The following CTNND2 variants were observed in gnomAD, a reference collection of about 807,000 sequenced individuals.
CTNND2 encodes catenin delta 2.
Under a neutral mutation model 144.4 loss-of-function variants are expected in CTNND2, and 22 were observed. The ratio of observed to expected loss-of-function variants is 0.15; its 90% CI spans 0.11 to 0.22. The LOEUF (loss-of-function observed/expected upper bound fraction) is 0.22, where lower values mean the gene tolerates loss of function less well. Ranked by LOEUF, CTNND2 falls within the 10% of genes least tolerant of loss-of-function variation. The pLI is 1.00. For missense variants in CTNND2, 1,353 were observed against 1,618.8 expected (o/e 0.84, Z 2.82); for synonymous variants, 751 against 695.6 (o/e 1.08, Z -1.25).
chr5:11,851,601 C>T (rs1213011464), intron 1 of CTNND2, among the ~76,000 whole-genome samples: 3 of 152,202 alleles, frequency 2.0e-5, no homozygotes, highest in African/African-American at 4.8e-5. Flanking sequence ...CATTAAACCA[C>T]GCCTACCCAG....
chr5:11,149,279 GAACCCTCATGTGTTTAT>G (rs1235995557), intron 12 of CTNND2, among the ~76,000 whole-genome samples: 16 of 152,180 alleles, frequency 1.1e-4, no homozygotes, highest in Admixed American at 1.0e-3. Context: ...TCCTTTGGCA[GAACCCTCATGTGTTTAT>G]ATAAATTAGT....
intron 1 of CTNND2, among the ~76,000 whole-genome samples, chr5:11,885,895 T>C (rs1345209532): frequency 1.3e-5 from 2 of 152,036 alleles, no homozygotes; most frequent in Non-Finnish European, 2.9e-5. Context: ...ACAAATATCA[T>C]GGAAATTAAG....
intron 3 of CTNND2, among the ~76,000 whole-genome samples, chr5:11,434,818 C>G (rs574918837): frequency 6.6e-6 from 1 of 152,082 alleles, no homozygotes; most frequent in Non-Finnish European, 1.5e-5. Context: ...AAGAATGACT[C>G]CCATATCCCA....
rs73051972 is a variant in CTNND2, at chr5:11,561,593, G to A, written c.287+3351C>T. 3.2e-3 allele frequency among the ~76,000 whole-genome samples: 488 copies of A among 152,302 alleles called. 3 individuals carry two copies. The highest frequency in any genetic ancestry group is 0.011 in the African/African-American group (471 of 41,560). ...ACCTACAGAGGTAGATGCAGAAGCT[G>A]ATCTGCTGCAACAATAAAGATCTCC... On this transcript the variant is annotated intron_variant, in intron 3 of 21. Transcript: ENST00000304623.
intron 3 of CTNND2, among the ~76,000 whole-genome samples, chr5:11,467,624 C>T (rs1287910416): frequency 6.6e-6 from 1 of 152,128 alleles, no homozygotes; most frequent in African/African-American, 2.4e-5. Flanking sequence ...AATAAATATG[C>T]TTTTACTAGA....
At chr5:10,991,721 T>C (rs182496065) in intron 19 of CTNND2, among the ~76,000 whole-genome samples, 36 of 152,236 alleles carry the variant, frequency 2.4e-4, no homozygotes, top group Admixed American at 1.7e-3. Flanking sequence ...AAGTTATAGT[T>C]GGCTACGATA....
At chr5:11,075,668 G>C (rs892173285) in intron 16 of CTNND2, among the ~76,000 whole-genome samples, 1 of 152,256 alleles carries the variant, frequency 6.6e-6, no homozygotes, top group African/African-American at 2.4e-5. Context: ...GAGGGGCTCT[G>C]TGAGCTCCGC....
intron 1 of CTNND2, among the ~76,000 whole-genome samples, chr5:11,744,305 C>A (rs542008362): frequency 6.6e-6 from 1 of 152,186 alleles, no homozygotes; most frequent in African/African-American, 2.4e-5. Context: ...CCCAGGCAAG[C>A]TTGTGACTTG....
intron 7 of CTNND2, among the ~76,000 whole-genome samples, chr5:11,378,051 G>A (rs545140735): frequency 2.6e-4 from 39 of 152,264 alleles, no homozygotes; most frequent in African/African-American, 8.4e-4. Context: ...GAATTCCAGA[G>A]AGATGAGCTT....
intron 9 of CTNND2, among the ~76,000 whole-genome samples, chr5:11,247,181 G>C (rs1158889144): frequency 6.6e-6 from 1 of 152,204 alleles, no homozygotes; most frequent in Non-Finnish European, 1.5e-5. Context: ...GTTAAGAACA[G>C]ATTCTGAGGG....
At chr5:11,662,964 C>G (rs1389982863) in intron 2 of CTNND2, among the ~76,000 whole-genome samples, 1 of 152,134 alleles carries the variant, frequency 6.6e-6, no homozygotes, top group Non-Finnish European at 1.5e-5. Context: ...TGAGAAGGAG[C>G]ACATCAGAGC....
intron 7 of CTNND2, among the ~76,000 whole-genome samples, chr5:11,365,123 A>AT (rs1756846265): frequency 6.6e-6 from 1 of 152,242 alleles, no homozygotes; most frequent in Admixed American, 6.5e-5. Context: ...CGTTTCTGAG[A>AT]TAAACCCACA....
chr5:11,735,590 C>T lies in CTNND2; in HGVS notation c.38-3318G>A, dbSNP rs146088316. 6.4e-4 allele frequency among the ~76,000 whole-genome samples: 97 copies of T among 152,272 alleles called. No individual in the cohort carries two copies. The East Asian group carries it at 0.012, about 19-fold the overall frequency. On this transcript the variant is annotated intron_variant, in intron 1 of 21. Transcript: ENST00000304623. ...TGAATGGTAGCTTCCATAATCCCCA[C>T]GTGTAGTGAGAGGGACCAGGTGGGA...
intron 18 of CTNND2, among the ~76,000 whole-genome samples, chr5:10,994,717 T>G (rs12520291): frequency 0.36 from 54,954 of 151,670 alleles, 10,967 homozygotes; most frequent in African/African-American, 0.54. Context: ...TGGGACTGAA[T>G]AGGCGTGAGC....
intron 3 of CTNND2, among the ~76,000 whole-genome samples, chr5:11,497,132 G>A (rs925087646): frequency 1.3e-5 from 2 of 152,120 alleles, no homozygotes; most frequent in African/African-American, 4.8e-5. Context: ...CATGTGGTCT[G>A]TCTGTGTGTC....
At chr5:11,258,838 C>T (rs535932691) in intron 9 of CTNND2, among the ~76,000 whole-genome samples, 19 of 152,270 alleles carry the variant, frequency 1.2e-4, no homozygotes, top group African/African-American at 4.6e-4. Context: ...GTACATTCTC[C>T]ATATCTTTTT....
rs926145388 is a variant in CTNND2 at position 11,890,976 on chromosome 5, C to T, written c.37+12841G>A. On this transcript the variant is annotated intron_variant, in intron 1 of 21. Transcript: ENST00000304623. ...GGGTGAACTAGAAGGAGCCCTAGGA[C>T]GGCTGTAGGAATGATGAGCTCACAG... 2.0e-5 allele frequency among the ~76,000 whole-genome samples: 3 copies of T among 152,102 alleles called. No homozygotes were observed. The East Asian group carries it at 5.8e-4, about 29-fold the overall frequency.
At chr5:11,757,135 A>G (rs2126797518) in intron 1 of CTNND2, among the ~76,000 whole-genome samples, 1 of 151,876 alleles carries the variant, frequency 6.6e-6, no homozygotes, top group African/African-American at 2.4e-5. Context: ...ATGTAAAGGT[A>G]CACACATATA....
At chr5:11,708,397 T>A (rs1785837390) in intron 2 of CTNND2, among the ~76,000 whole-genome samples, 1 of 152,180 alleles carries the variant, frequency 6.6e-6, no homozygotes, top group Non-Finnish European at 1.5e-5. Context: ...AAGCTGTAAG[T>A]AAGAAAAGAT....
Sources: allele counts gnomAD v4.1 joint callset (sites outside exome capture counted in the v4.1 genomes callset), GRCh38; gene constraint gnomAD v4.1.1; transcripts MANE v1.5; gene names NCBI Gene and HGNC (gene_info 2026-07-23, HGNC 2026-07-21).